The following GRM7 variants were observed in gnomAD, a reference collection of about 807,000 sequenced individuals.
GRM7 encodes metabotropic glutamate receptor 7.
GRM7 carries 35 observed loss-of-function variants against 84.5 expected under a neutral mutation model. That is an observed-to-expected ratio of 0.41 (90% confidence interval 0.32 to 0.55). The LOEUF (loss-of-function observed/expected upper bound fraction) is 0.55. GRM7 is among the 20% of genes least tolerant of loss of function. GRM7 has a pLI of 0.19. For missense variants in GRM7, 1,003 were observed against 1,194.6 expected, an observed-to-expected ratio of 0.84 and a Z score of 2.36; for synonymous variants, 487 against 455.1, an observed-to-expected ratio of 1.07 and a Z score of -0.89.
chr3:6,874,052 G>A (rs529736066), intron 1 of GRM7, among the ~76,000 whole-genome samples: 6 of 152,284 alleles, frequency 3.9e-5, no homozygotes, highest in African/African-American at 1.4e-4. Context: ...CATACTGACG[G>A]GGAACTTAGG....
At chr3:7,510,440 G>T (rs1700164636) in intron 7 of GRM7, among the ~76,000 whole-genome samples, 1 of 152,200 alleles carries the variant, frequency 6.6e-6, no homozygotes, top group Non-Finnish European at 1.5e-5. Context: ...ACAGTCCCCT[G>T]AGTATAAAAG....
At chr3:7,017,680 C>A (rs1343613932) in intron 1 of GRM7, among the ~76,000 whole-genome samples, 1 of 152,174 alleles carries the variant, frequency 6.6e-6, no homozygotes, top group Non-Finnish European at 1.5e-5. Flanking sequence ...CTGGGCCTAA[C>A]CCCCTAGAAA....
chr3:7,101,712 GT>G (rs1699113646), intron 1 of GRM7, among the ~76,000 whole-genome samples: 1 of 148,914 alleles, frequency 6.7e-6, no homozygotes, highest in East Asian at 2.0e-4. Context: ...TGTTTTCATA[GT>G]TTTTGCTTTA....
chr3:7,682,417 C>T (rs78752360), intron 9 of GRM7: 1 of 149,790 alleles, frequency 6.7e-6, no homozygotes, highest in African/African-American at 2.5e-5. Context: ...TATACCTATA[C>T]CTGTATTGAT....
intron 9 of GRM7, among the ~76,000 whole-genome samples, chr3:7,694,638 T>A (rs1369839529): frequency 6.6e-6 from 1 of 152,174 alleles, no homozygotes; most frequent in Non-Finnish European, 1.5e-5. Flanking sequence ...AAATCACATT[T>A]AAACACACTC....
chr3:7,263,296 G>A (rs905638379), intron 2 of GRM7, among the ~76,000 whole-genome samples: 10 of 152,254 alleles, frequency 6.6e-5, no homozygotes, highest in Middle Eastern at 3.4e-3. Context: ...AACCTGCTGC[G>A]CTGGAGAGGG....
chr3:7,660,908 G>A (rs1186933330), intron 8 of GRM7, among the ~76,000 whole-genome samples: 1 of 152,140 alleles, frequency 6.6e-6, no homozygotes, highest in Non-Finnish European at 1.5e-5. Context: ...TAGAGTAATA[G>A]TAATATCCAA....
At chr3:7,719,557 A>C (rs1701871009) in intron 9 of GRM7, among the ~76,000 whole-genome samples, 1 of 152,086 alleles carries the variant, frequency 6.6e-6, no homozygotes, top group Admixed American at 6.6e-5. Context: ...TCATGCCTGT[A>C]ATCCCAGCAC....
chr3:7,493,660 A>C (rs1007811647), intron 7 of GRM7, among the ~76,000 whole-genome samples: 1 of 151,980 alleles, frequency 6.6e-6, no homozygotes, highest in Non-Finnish European at 1.5e-5. Flanking sequence ...TGGCATATTT[A>C]GACCATTTAA....
At position 7,559,583 on chromosome 3, in the gene GRM7, A is replaced by T. The variant is rs556455808; in HGVS notation, c.1516-18839A>T. On this transcript the variant is annotated intron_variant, in intron 7 of 9. Transcript: ENST00000357716. The stretch of plus-strand genomic sequence containing the variant: ...TTTCAAAGTCTCCCAACATGTTTCT[A>T]ATATATATCCTGGCCAAAAGAGCAT... Among the ~76,000 whole-genome samples the T allele has an allele frequency of 5.9e-5, 9 of 152,174 alleles. No homozygotes were observed. In the South Asian group the frequency reaches 1.4e-3, roughly 25 times the overall value.
chr3:7,422,034 G>A (rs1021709008), intron 5 of GRM7, among the ~76,000 whole-genome samples: 2 of 151,698 alleles, frequency 1.3e-5, no homozygotes, highest in African/African-American at 4.8e-5. Context: ...AGTTGAGGCT[G>A]CAGTGAGCTG....
At chr3:7,661,606 T>A (rs977768784) in intron 8 of GRM7, among the ~76,000 whole-genome samples, 9 of 151,520 alleles carry the variant, frequency 5.9e-5, no homozygotes, top group East Asian at 1.9e-4. Flanking sequence ...CATCCTGGCT[T>A]ACACGGTGAA....
intron 1 of GRM7, among the ~76,000 whole-genome samples, chr3:7,065,257 C>A (rs1302976312): frequency 6.6e-6 from 1 of 151,844 alleles, no homozygotes; most frequent in African/African-American, 2.4e-5. Flanking sequence ...GTCATGAAGT[C>A]CTTGCCTAAG....
chr3:7,161,927 G>C (rs539744060), intron 2 of GRM7, among the ~76,000 whole-genome samples: 6 of 152,336 alleles, frequency 3.9e-5, no homozygotes, highest in African/African-American at 1.4e-4. Context: ...GAAACAGGGC[G>C]AATGGAGCTG....
chr3:6,988,971 T>C (rs1480709518), intron 1 of GRM7, among the ~76,000 whole-genome samples: 3 of 152,216 alleles, frequency 2.0e-5, no homozygotes, highest in Non-Finnish European at 4.4e-5. Context: ...TAAACCCTCC[T>C]ATTTTCTATC....
intron 5 of GRM7, among the ~76,000 whole-genome samples, chr3:7,432,589 T>C (rs1247010856): frequency 6.6e-6 from 1 of 151,542 alleles, no homozygotes; most frequent in East Asian, 1.9e-4. Context: ...CCCAAAGTGC[T>C]AGGATTACAG....
chr3:7,739,442 C>T (rs558292687), intron 9 of GRM7, among the ~76,000 whole-genome samples: 24 of 152,302 alleles, frequency 1.6e-4, no homozygotes, highest in African/African-American at 5.8e-4. Flanking sequence ...AAATGCTACA[C>T]AAAAGTTACT....
intron 1 of GRM7, among the ~76,000 whole-genome samples, chr3:6,901,538 C>CA (rs1301573450): frequency 5.3e-5 from 7 of 132,824 alleles, no homozygotes; most frequent in Non-Finnish European, 9.2e-5. Flanking sequence ...GTGGAGGTTG[C>CA]AGTGAGCCGA....
intron 1 of GRM7, among the ~76,000 whole-genome samples, chr3:6,949,159 T>A (rs1223016515): frequency 6.6e-6 from 1 of 152,212 alleles, no homozygotes; most frequent in Admixed American, 6.5e-5. Context: ...CTCGATGGTC[T>A]TTACAATTTG....
Sources: allele counts gnomAD v4.1 joint callset (sites outside exome capture counted in the v4.1 genomes callset), GRCh38; gene constraint gnomAD v4.1.1; transcripts MANE v1.5; gene names NCBI Gene and HGNC (gene_info 2026-07-23, HGNC 2026-07-21).